The following SLCO1B1 variants were observed in gnomAD, a reference collection of about 807,000 sequenced individuals.
SLCO1B1 encodes solute carrier organic anion transporter family member 1B1.
A neutral mutation model predicts 70.1 loss-of-function variants in SLCO1B1; 81 were observed. The ratio of observed to expected loss-of-function variants is 1.16; its 90% confidence interval spans 0.97 to 1.39. The LOEUF is 1.39. Among genes scored for constraint, SLCO1B1 ranks in the 40% most tolerant of loss-of-function variants. The pLI is 0.00. For missense variants in SLCO1B1, 895 were observed against 799.6 expected, an observed-to-expected ratio of 1.12 and a Z score of -1.44; for synonymous variants, 283 against 271.5, an observed-to-expected ratio of 1.04 and a Z score of -0.42.
intron 2 of SLCO1B1, among the ~76,000 whole-genome samples, chr12:21,148,695 CTT>C (rs71043249): frequency 0.54 from 54,118 of 100,094 alleles, 14,756 homozygotes; most frequent in South Asian, 0.7. Flanking sequence ...GCTATATGGG[CTT>C]TTTTTTTTTT....
intron 2 of SLCO1B1, among the ~76,000 whole-genome samples, chr12:21,143,853 A>G (rs536743359): frequency 1.3e-5 from 2 of 152,214 alleles, no homozygotes; most frequent in East Asian, 3.9e-4. Flanking sequence ...ATTGAGTGTC[A>G]AGCAACTGTG....
chr12:21,181,400 G>T (rs1940895388), intron 7 of SLCO1B1, among the ~76,000 whole-genome samples: 1 of 152,104 alleles, frequency 6.6e-6, no homozygotes, highest in South Asian at 2.1e-4. Flanking sequence ...CATGTAGATG[G>T]AGTCACTGAT....
At chr12:21,165,092 G>A (rs1032030477) in intron 2 of SLCO1B1, among the ~76,000 whole-genome samples, 1 of 152,050 alleles carries the variant, frequency 6.6e-6, no homozygotes, top group Admixed American at 6.6e-5. Flanking sequence ...AATCCAAGTT[G>A]TGCGTTTGAC....
intron 2 of SLCO1B1, among the ~76,000 whole-genome samples, chr12:21,157,656 C>T (rs1940559341): frequency 6.8e-6 from 1 of 147,140 alleles, no homozygotes; most frequent in Non-Finnish European, 1.5e-5. Context: ...GGCTGGAGTG[C>T]AGTGGCGCGA....
At chr12:21,177,006 GA>G in intron 5 of SLCO1B1, 109 bp downstream of exon 5, 1 of 830,362 alleles carries the variant, frequency 1.2e-6, no homozygotes, top group South Asian at 1.4e-5. Flanking sequence ...GAATGAATAG[GA>G]AAAACATTTG....
intron 13 of SLCO1B1, 33 bp downstream of exon 13, chr12:21,222,397 AAT>A (rs751514211): frequency 0.03 from 2,935 of 97,394 alleles, 77 homozygotes; most frequent in South Asian, 0.058. Context: ...AAAAAAAAAA[AAT>A]ATATATATAT....
intron 11 of SLCO1B1, among the ~76,000 whole-genome samples, chr12:21,209,538 T>G (rs944666657): frequency 3.3e-5 from 5 of 152,206 alleles, no homozygotes; most frequent in Non-Finnish European, 7.3e-5. Context: ...TGTGTCTTTA[T>G]AGCAGCATGA....
At chr12:21,157,758 C>A (rs774849854) in intron 2 of SLCO1B1, among the ~76,000 whole-genome samples, 1 of 151,936 alleles carries the variant, frequency 6.6e-6, no homozygotes, top group South Asian at 2.1e-4. Context: ...CCCACCACCA[C>A]GCCCACTAAT....
chr12:21,221,200 A>G (rs1941419713), intron 12 of SLCO1B1, among the ~76,000 whole-genome samples: 1 of 152,202 alleles, frequency 6.6e-6, no homozygotes, highest in Admixed American at 6.5e-5. Context: ...ACCCACTGCC[A>G]ACTTCATACT....
chr12:21,187,703 A>G (rs996750754), intron 7 of SLCO1B1, among the ~76,000 whole-genome samples: 1 of 152,218 alleles, frequency 6.6e-6, no homozygotes, highest in Non-Finnish European at 1.5e-5. Flanking sequence ...GTGCAAAACA[A>G]TACATTTCTA....
chr12:21,132,420 C>T (rs1484974504), intron 1 of SLCO1B1, among the ~76,000 whole-genome samples: 1 of 152,150 alleles, frequency 6.6e-6, no homozygotes, highest in Non-Finnish European at 1.5e-5. Flanking sequence ...CACTGTCTTC[C>T]ACAATGGTTG....
chr12:21,210,582 T>A (rs1941271210), intron 11 of SLCO1B1, among the ~76,000 whole-genome samples: 1 of 148,584 alleles, frequency 6.7e-6, no homozygotes, highest in Non-Finnish European at 1.5e-5. Context: ...TAAAGTATTT[T>A]CCAATTCTGT....
At chr12:21,206,505 C>G (rs923389409) in intron 11 of SLCO1B1, among the ~76,000 whole-genome samples, 4 of 151,814 alleles carry the variant, frequency 2.6e-5, no homozygotes, top group Non-Finnish European at 4.4e-5. Flanking sequence ...GATCACTACC[C>G]TTTTTACTTT....
intron 2 of SLCO1B1, among the ~76,000 whole-genome samples, chr12:21,156,936 T>C (rs1395220454): frequency 6.6e-6 from 1 of 152,134 alleles, no homozygotes; most frequent in Non-Finnish European, 1.5e-5. Context: ...TTTATATTAA[T>C]AGAGAGAAAG....
At chr12:21,143,049 A>G (rs1442090044) in intron 2 of SLCO1B1, among the ~76,000 whole-genome samples, 1 of 152,098 alleles carries the variant, frequency 6.6e-6, no homozygotes, top group Non-Finnish European at 1.5e-5. Context: ...TTAAAATAAT[A>G]TTTTCACTCA....
intron 1 of SLCO1B1, among the ~76,000 whole-genome samples, chr12:21,133,702 A>T (rs1292101846): frequency 6.6e-6 from 1 of 152,182 alleles, no homozygotes; most frequent in African/African-American, 2.4e-5. Context: ...GACTTTGCTG[A>T]AGTTGCTTAT....
chr12:21,194,332 A>G (rs142699270), intron 7 of SLCO1B1, among the ~76,000 whole-genome samples: 5 of 152,212 alleles, frequency 3.3e-5, no homozygotes, highest in African/African-American at 9.6e-5. Context: ...TATTTTCTAT[A>G]GCCTCATAAC....
chr12:21,143,980 G>A (rs1175849987), intron 2 of SLCO1B1, among the ~76,000 whole-genome samples: 1 of 151,318 alleles, frequency 6.6e-6, no homozygotes, highest in Non-Finnish European at 1.5e-5. Context: ...TATATCCGTG[G>A]AAATACAAAC....
At chr12:21,206,078 AT>A in intron 11 of SLCO1B1, 45 bp downstream of exon 11, 1 of 1,503,524 alleles carries the variant, frequency 6.7e-7, no homozygotes, top group Non-Finnish European at 9.2e-7. Context: ...AAAAGCACAG[AT>A]TAGATTGAAC....
Sources: allele counts gnomAD v4.1 joint callset (sites outside exome capture counted in the v4.1 genomes callset), GRCh38; gene constraint gnomAD v4.1.1; transcripts MANE v1.5; gene names NCBI Gene and HGNC (gene_info 2026-07-23, HGNC 2026-07-21).